The following LIPA variants were observed in gnomAD, a reference collection of about 807,000 sequenced individuals.
The protein encoded by LIPA is lipase A, lysosomal acid type.
A neutral mutation model predicts 40.6 loss-of-function variants in LIPA; 26 were observed. That is an observed-to-expected ratio of 0.64 (90% CI 0.47 to 0.89). LIPA has a LOEUF of 0.89. Ranked by LOEUF, LIPA falls within the 40% of genes least tolerant of loss-of-function variation. The pLI, the probability that LIPA is intolerant of heterozygous loss-of-function variation, is 0.00. For missense variants in LIPA, 455 were observed against 479.6 expected (o/e 0.95, Z 0.48); for synonymous variants, 188 against 168.4 (o/e 1.12, Z -0.90).
chr10:89,218,273 T>C (rs1842653429), intron 8 of LIPA, among the ~76,000 whole-genome samples: 1 of 152,200 alleles, frequency 6.6e-6, no homozygotes, highest in African/African-American at 2.4e-5. Flanking sequence ...TATAAATGTA[T>C]CATCCTAAGA....
At chr10:89,307,756 G>C (rs1042272485) in intron 1 of LIPA, 30 of 181,536 alleles carry the variant, frequency 1.7e-4, no homozygotes, top group African/African-American at 6.4e-4. Flanking sequence ...TTGCAATGTT[G>C]TTCCATACTT....
intron 2 of LIPA, among the ~76,000 whole-genome samples, chr10:89,393,724 C>T (rs949122793): frequency 2.0e-5 from 3 of 152,070 alleles, no homozygotes; most frequent in Non-Finnish European, 4.4e-5. Context: ...AGCGAGACTC[C>T]GTCTCAAAAA....
intron 2 of LIPA, among the ~76,000 whole-genome samples, chr10:89,363,677 T>C (rs1026841190): frequency 6.8e-6 from 1 of 146,988 alleles, no homozygotes; most frequent in Non-Finnish European, 1.5e-5. Context: ...CTCGGGAGGC[T>C]GAGGCAGGAG....
intron 2 of LIPA, among the ~76,000 whole-genome samples, chr10:89,365,114 T>C (rs1028195676): frequency 6.6e-6 from 1 of 152,196 alleles, no homozygotes; most frequent in Non-Finnish European, 1.5e-5. Context: ...GACATGGGTG[T>C]AGAATTCCTT....
At chr10:89,258,106 C>T (rs1454278434) in intron 1 of LIPA, among the ~76,000 whole-genome samples, 1 of 152,160 alleles carries the variant, frequency 6.6e-6, no homozygotes, top group Non-Finnish European at 1.5e-5. Context: ...AATAAGAATA[C>T]TGAATAAGAA....
intron 8 of LIPA, among the ~76,000 whole-genome samples, chr10:89,222,259 T>C (rs1842709026): frequency 6.6e-6 from 1 of 151,852 alleles, no homozygotes. Context: ...ACCTGAGACT[T>C]GAGGAAGGGA....
intron 1 of LIPA, among the ~76,000 whole-genome samples, chr10:89,271,677 A>AT (rs1351909151): frequency 6.6e-6 from 1 of 152,198 alleles, no homozygotes; most frequent in East Asian, 1.9e-4. Context: ...CCCTTTAAGA[A>AT]TGAAGGTATG....
intron 2 of LIPA, among the ~76,000 whole-genome samples, chr10:89,367,360 T>C (rs887779467): frequency 6.6e-6 from 1 of 152,192 alleles, no homozygotes; most frequent in Admixed American, 6.5e-5. Flanking sequence ...TGATTAGAGA[T>C]TGTAAAGACA....
At position 89,214,601 on chromosome 10, in the gene LIPA, A is replaced by G; in HGVS notation, c.*227T>C. The G allele has an allele frequency of 3.9e-6, 2 of 507,862 alleles. No individual in the cohort carries two copies. The highest frequency in any genetic ancestry group is 7.1e-6 in the Non-Finnish European group (2 of 283,304). The allele number at this position is 507,862 out of a possible 1,614,324, so 31.5% of individuals were successfully genotyped here. ...TTAAAAGACTTAAAGAGACAATACT[A>G]TGGTTGAGACACTGGCTTCCTATTC... is the stretch of plus-strand genomic sequence containing the variant. On this transcript the variant is annotated 3_prime_UTR_variant, in exon 10 of 10. Coordinates refer to ENST00000336233, the MANE Select transcript of LIPA (RefSeq NM_000235.4).
intron 1 of LIPA, among the ~76,000 whole-genome samples, chr10:89,269,828 T>C (rs1843256126): frequency 6.6e-6 from 1 of 152,242 alleles, no homozygotes; most frequent in South Asian, 2.1e-4. Context: ...GTGAGACTAA[T>C]TTTTAGTAAT....
At chr10:89,327,407 C>T (rs992081132) in intron 1 of LIPA, among the ~76,000 whole-genome samples, 1 of 151,946 alleles carries the variant, frequency 6.6e-6, no homozygotes, top group East Asian at 1.9e-4. Context: ...AAATATTAGC[C>T]GGGCATGGTG....
rs560988903 is a variant in LIPA, at chr10:89,388,906, C to G, written c.61+23885G>C. Among the ~76,000 whole-genome samples, 4 of 152,088 alleles carry G rather than the reference C, an allele frequency of 2.6e-5. No homozygotes were observed. The South Asian group carries it at 8.3e-4, about 32-fold the overall frequency. On this transcript the variant is annotated intron_variant, in intron 2 of 8. Transcript: ENST00000371837. ...AGTGATATCATGGGCTGAGAGGTCT[C>G]TTGAAGTTTCATGAGAAGATATGTA...
At chr10:89,374,968 G>A (rs1298116895) in intron 2 of LIPA, among the ~76,000 whole-genome samples, 1 of 152,186 alleles carries the variant, frequency 6.6e-6, no homozygotes, top group African/African-American at 2.4e-5. Context: ...CTCAGCAGCT[G>A]CACAGTCAGA....
chr10:89,393,455 G>A lies in LIPA; in HGVS notation c.61+19336C>T, dbSNP rs140888709. On this transcript the variant is annotated intron_variant, in intron 2 of 8. Transcript: ENST00000371837. Reference sequence around the variant, plus strand: ...TGATTTAAAAACCATTACTTAGGCCGGGCAAGGGGGCTCATGCTTGTAATC... The same window carrying A: ...TGATTTAAAAACCATTACTTAGGCCAGGCAAGGGGGCTCATGCTTGTAATC... 1.0e-3 allele frequency: 464 copies of A among 461,200 alleles called. 6 individuals are homozygous for A. Among genetic ancestry groups the A allele is most frequent in the South Asian group, 9.7e-3 (440 of 45,272 alleles). 28.6% of individuals were successfully genotyped at this position (461,200 alleles called of 1,614,324 possible).
rs184077785 is a variant in LIPA at position 89,225,782 on chromosome 10, G to T, written c.539-554C>A. On this transcript the variant is annotated intron_variant, in intron 5 of 9. Transcript: ENST00000336233. Reference sequence around the variant, plus strand: ...CCATGTGTTGTGGGAGGGACCTGGTGGGAGATAATTGAATCACGGAGGCGG... The same window carrying T: ...CCATGTGTTGTGGGAGGGACCTGGTTGGAGATAATTGAATCACGGAGGCGG... Among the ~76,000 whole-genome samples, 12 of 152,258 alleles carry T rather than the reference G, an allele frequency of 7.9e-5. No individual in the cohort carries two copies. The East Asian group carries it at 2.3e-3, about 29-fold the overall frequency.
intron 1 of LIPA, among the ~76,000 whole-genome samples, chr10:89,329,821 G>A (rs1843632802): frequency 6.6e-6 from 1 of 152,192 alleles, no homozygotes; most frequent in African/African-American, 2.4e-5. Flanking sequence ...TGAGCAACAA[G>A]GCTGTTTATT....
chr10:89,265,701 G>C (rs1024663083), intron 1 of LIPA, among the ~76,000 whole-genome samples: 3 of 152,156 alleles, frequency 2.0e-5, no homozygotes, highest in Non-Finnish European at 2.9e-5. Context: ...GTTGTCCATG[G>C]TGCTTGACTA....
chr10:89,383,361 G>A, intron 2 of LIPA: 2 of 1,614,176 alleles, frequency 1.2e-6, no homozygotes, highest in South Asian at 1.1e-5. Flanking sequence ...GCCTGATTCA[G>A]CTGAGATGTC....
intron 1 of LIPA, among the ~76,000 whole-genome samples, chr10:89,266,704 C>CT (rs766072041): frequency 2.0e-4 from 31 of 152,332 alleles, no homozygotes; most frequent in Non-Finnish European, 4.3e-4. Flanking sequence ...TCATGTCTGA[C>CT]TATTTTCCAT....
Sources: allele counts gnomAD v4.1 joint callset (sites outside exome capture counted in the v4.1 genomes callset), GRCh38; gene constraint gnomAD v4.1.1; transcripts MANE v1.5; gene names NCBI Gene and HGNC (gene_info 2026-07-23, HGNC 2026-07-21).